USP40: variants seen among roughly 807,000 people sequenced by gnomAD.
USP40 encodes the protein ubiquitin specific peptidase 40.
In USP40, 143 loss-of-function variants were observed where a neutral mutation model predicts 166.2. The observed-to-expected ratio is 0.86, with a 90% confidence interval of 0.75 to 0.99. The LOEUF (loss-of-function observed/expected upper bound fraction) is 0.99. Among genes scored for constraint, USP40 ranks in the 50% least tolerant of loss-of-function variants. USP40 has a pLI of 0.00. For synonymous variants in USP40, 498 were observed against 524.0 expected, an observed-to-expected ratio of 0.95 and a Z score of 0.68; for missense variants, 1,444 against 1,479.7, an observed-to-expected ratio of 0.98 and a Z score of 0.40.
In USP40 at chr2:233,485,934, C is replaced by A. The variant is rs371882975; in HGVS notation, c.3241G>T (p.Glu1081Ter). The change falls in exon 29 of 32, where the codon GAG becomes TAG. Residue 1081 changes from glutamate (E) to a stop codon, truncating the protein, a stop_gained. Transcript: ENST00000678225. LOFTEE classifies it high-confidence loss of function. ...LLRTQVRIPGERTYAPALDLV... is the reference protein window; with the variant it reads ...LLRTQVRIPG ...TCCAGGGCAGGGGCATAGGTCCTCT[C>A]ACCAGGGATGCGCACCTGTGTCCTC... The A allele has an allele frequency of 3.1e-6, 5 of 1,596,892 alleles. No individual in the cohort carries two copies. Among genetic ancestry groups the A allele is most frequent in the Non-Finnish European group, 4.3e-6 (5 of 1,172,890 alleles).
chr2:233,502,868 A>G (rs1160863184), intron 21 of USP40, among the ~76,000 whole-genome samples: 2 of 152,080 alleles, frequency 1.3e-5, no homozygotes, highest in Admixed American at 1.3e-4. Flanking sequence ...GAATCCATCT[A>G]TAGGAAAAAG....
intron 30 of USP40, 123 bp from the exon 31 acceptor site, chr2:233,481,420 G>A: frequency 1.2e-6 from 1 of 819,824 alleles, no homozygotes; most frequent in Middle Eastern, 3.5e-4. Context: ...ACATAAACTA[G>A]GTGAATAACT....
intron 13 of USP40, among the ~76,000 whole-genome samples, chr2:233,526,584 A>C (rs2068050640): frequency 6.6e-6 from 1 of 152,240 alleles, no homozygotes; most frequent in African/African-American, 2.4e-5. Flanking sequence ...AGGATTTTTC[A>C]GAAAATTCAT....
chr2:233,488,397 A>G (rs1575220607), intron 27 of USP40, 93 bp from the exon 28 acceptor site: 9 of 1,245,176 alleles, frequency 7.2e-6, no homozygotes, highest in Non-Finnish European at 1.0e-5. Context: ...TTTCTTAAGC[A>G]AAGAATTGTT....
intron 22 of USP40, among the ~76,000 whole-genome samples, 186 bp from the exon 23 acceptor site, chr2:233,498,798 C>A (rs2065890566): frequency 6.6e-6 from 1 of 152,234 alleles, no homozygotes; most frequent in Non-Finnish European, 1.5e-5. Flanking sequence ...AATGAGGTCT[C>A]ATCAAGCTCA....
In USP40 at chr2:233,476,872, G is replaced by C. The variant is rs530005897; in HGVS notation, c.*520C>G. Reference sequence around the variant, plus strand: ...TGGAGCATGCGGGGCCGGAACGAGTGGGGGAAATGAAGTCCTGAAAGCAGA... The same window carrying C: ...TGGAGCATGCGGGGCCGGAACGAGTCGGGGAAATGAAGTCCTGAAAGCAGA... On this transcript the variant is annotated 3_prime_UTR_variant, in exon 32 of 32. Coordinates refer to ENST00000678225, the MANE Select transcript of USP40 (RefSeq NM_001365479.2). The C allele has an allele frequency of 5.2e-5, 10 of 193,556 alleles. No homozygotes were observed. In the South Asian group the frequency reaches 9.3e-4, roughly 18 times the overall value. The allele number at this position is 193,556 out of a possible 1,614,324, so 12.0% of individuals were successfully genotyped here.
intron 11 of USP40, 111 bp from the exon 12 acceptor site, chr2:233,529,623 T>C (rs2068332796): frequency 3.2e-6 from 2 of 634,496 alleles, no homozygotes; most frequent in African/African-American, 1.8e-5. Context: ...AAGCTGCTAC[T>C]AATTAGCTGT....
intron 21 of USP40, among the ~76,000 whole-genome samples, chr2:233,501,365 C>T (rs2066062181): frequency 6.6e-6 from 1 of 152,150 alleles, no homozygotes; most frequent in East Asian, 1.9e-4. Flanking sequence ...CTTGTGCAGA[C>T]ATTCAAGACT....
At chr2:233,511,601 G>T in intron 20 of USP40, 108 bp downstream of exon 20, 2 of 754,266 alleles carry the variant, frequency 2.7e-6, no homozygotes, top group East Asian at 2.9e-5. Context: ...TATGATTTAA[G>T]AAAAAACTTT....
chr2:233,527,949 A>G (rs957390899), intron 12 of USP40, among the ~76,000 whole-genome samples: 1 of 150,146 alleles, frequency 6.7e-6, no homozygotes. Flanking sequence ...TATCATCCTT[A>G]TTTCCACTAG....
rs1439798830 is a variant in USP40, at chr2:233,480,484, G to A, written c.3599+719C>T. Among the ~76,000 whole-genome samples, 5 of 152,200 alleles carry A rather than the reference G, an allele frequency of 3.3e-5. No homozygotes were observed. The highest frequency in any genetic ancestry group is 2.6e-4 in the Admixed American group (4 of 15,288). On this transcript the variant is annotated intron_variant, in intron 31 of 31. Coordinates refer to ENST00000678225, the MANE Select transcript of USP40 (RefSeq NM_001365479.2). The surrounding 1 kb of genome is among the most constrained non-coding windows in gnomAD (Gnocchi z 4.5). ...CTGAGCAGTGCGAACTGAGCCTCAC[G>A]CCCCAGTTCCGGGTGTGTGGCCTGG...
chr2:233,522,164 G>A (rs1212461178), intron 16 of USP40, among the ~76,000 whole-genome samples: 1 of 152,160 alleles, frequency 6.6e-6, no homozygotes, highest in Non-Finnish European at 1.5e-5. Flanking sequence ...TTGGGCAGGG[G>A]TAATGGAAAG....
chr2:233,505,603 T>C (rs1262776879), intron 21 of USP40, among the ~76,000 whole-genome samples: 2 of 152,114 alleles, frequency 1.3e-5, no homozygotes, highest in Non-Finnish European at 2.9e-5. Context: ...CCTGGACATA[T>C]ACAATATACT....
intron 31 of USP40, among the ~76,000 whole-genome samples, chr2:233,478,072 G>C (rs2064291291): frequency 6.6e-6 from 1 of 152,260 alleles, no homozygotes; most frequent in African/African-American, 2.4e-5. Flanking sequence ...CCGACAGAAA[G>C]CCTCCGCGGC....
chr2:233,549,034 C>A, intron 8 of USP40, 67 bp downstream of exon 8: 1 of 1,457,014 alleles, frequency 6.9e-7, no homozygotes, highest in Non-Finnish European at 9.2e-7. Context: ...AACAAAATTT[C>A]CTCAACAAAA....
chr2:233,481,225 G>C lies in USP40; in HGVS notation c.3577C>G (p.Arg1193Gly). The C allele has an allele frequency of 6.2e-7, 1 of 1,607,450 alleles. No individual in the cohort carries two copies. Among genetic ancestry groups the C allele is most frequent in the East Asian group, 2.2e-5 (1 of 44,818 alleles). Residue 1193 changes from arginine to glycine, a missense_variant, in exon 31 of 32, where the codon CGG becomes GGG. Physicochemically the swap from Arg to Gly is moderately radical, Grantham distance 125. Coordinates refer to ENST00000678225, the MANE Select transcript of USP40 (RefSeq NM_001365479.2). ...DDTGKEKQKQ[R>G]ALGRRKSQEA... ...TACCTTTTCCTTCTCCCCAGGGCCC[G>C]TTGTTTCTGCTTTTCTTTTCCAGTG...
chr2:233,511,613 A>G (rs568074302), intron 20 of USP40, 96 bp downstream of exon 20: 7 of 875,864 alleles, frequency 8.0e-6, no homozygotes, highest in Admixed American at 3.2e-5. Flanking sequence ...AAAAACTTTT[A>G]GAGAAAAACA....
chr2:233,507,374 C>T (rs537689493), intron 21 of USP40, among the ~76,000 whole-genome samples: 8 of 152,118 alleles, frequency 5.3e-5, no homozygotes, highest in Non-Finnish European at 1.0e-4. Flanking sequence ...TCTGCACTCC[C>T]ATGTTTAATG....
intron 18 of USP40, among the ~76,000 whole-genome samples, chr2:233,513,487 CAT>C (rs1346567516): frequency 2.0e-5 from 3 of 152,134 alleles, no homozygotes; most frequent in African/African-American, 7.2e-5. Context: ...TTGTGGTGCA[CAT>C]GTGTTATTTA....
Sources: allele counts gnomAD v4.1 joint callset (sites outside exome capture counted in the v4.1 genomes callset), GRCh38; gene constraint gnomAD v4.1.1; non-coding constraint Gnocchi (gnomAD v3.1); transcripts MANE v1.5; gene names NCBI Gene and HGNC (gene_info 2026-07-23, HGNC 2026-07-21).